The following ZDHHC23 variants were observed in gnomAD, a reference collection of about 807,000 sequenced individuals.
ZDHHC23 encodes the protein zDHHC palmitoyltransferase 23, also known as palmitoyltransferase ZDHHC23.
Under a neutral mutation model 40.2 loss-of-function variants are expected in ZDHHC23, and 41 were observed. The observed-to-expected ratio is 1.02, with a 90% CI of 0.79 to 1.32. The LOEUF is 1.32. Ranked by LOEUF, ZDHHC23 falls within the 40% of genes most tolerant of loss-of-function variation. ZDHHC23 has a pLI of 0.00. For missense variants in ZDHHC23, 471 were observed against 541.5 expected (o/e 0.87, Z 1.29); for synonymous variants, 204 against 210.2 (o/e 0.97, Z 0.26).
chr3:113,975,288 T>C, the ZDHHC23 span, among the ~76,000 whole-genome samples: 14 of 152,332 alleles, frequency 9.2e-5, no homozygotes, highest in Admixed American at 7.8e-4. Context: ...TCTTTCTCGA[T>C]GTTATTGCAG....
Position 113,954,068 on chromosome 3 carries a change from G to A in ZDHHC23, c.530G>A (p.Gly177Glu). ...GTTCAGCTGGCGGTTCTTACCTGCGGGTTATTTCTGATACTCTTAGCCTTG... is the reference window on the plus strand; with the variant it reads ...GTTCAGCTGGCGGTTCTTACCTGCGAGTTATTTCTGATACTCTTAGCCTTG... Reference protein sequence around the residue: ...GPVQLAVLTCGLFLILLALHR... With the variant: ...GPVQLAVLTCELFLILLALHR... The change falls in exon 3 of 5, where the codon GGG becomes GAG. Residue 177 changes from glycine (G) to glutamate (E), a missense_variant. This residue lies in a region of ZDHHC23 where 346 missense variants were observed against 399.8 expected (regional missense o/e 0.87). Coordinates refer to ENST00000638807, the MANE Select transcript of ZDHHC23 (RefSeq NM_001320466.2). 1.2e-6 allele frequency: 2 copies of A among 1,614,162 alleles called. No homozygotes were observed. The highest frequency in any genetic ancestry group is 1.7e-6 in the Non-Finnish European group (2 of 1,180,034).
chr3:113,951,730 C>T (rs1485295347), intron 2 of ZDHHC23, among the ~76,000 whole-genome samples: 1 of 152,240 alleles, frequency 6.6e-6, no homozygotes, highest in African/African-American at 2.4e-5. Flanking sequence ...ATCTCATCTA[C>T]ATCCTTGCTG....
Position 113,960,351 on chromosome 3 carries a change from G to A in ZDHHC23, c.*1721G>A, listed in dbSNP as rs1939597137. 6.2e-6 allele frequency: 7 copies of A among 1,122,282 alleles called. No homozygotes were observed. The highest frequency in any genetic ancestry group is 4.0e-4 in the Middle Eastern group (1 of 2,484). The allele number at this position is 1,122,282 out of a possible 1,614,324, so 69.5% of individuals were successfully genotyped here. A position where few individuals can be genotyped will look rare whatever the true frequency, so the allele number is the denominator to read the frequency against. On this transcript the variant is annotated 3_prime_UTR_variant, in exon 5 of 5. Coordinates refer to ENST00000638807, the MANE Select transcript of ZDHHC23 (RefSeq NM_001320466.2). The stretch of plus-strand genomic sequence containing the variant: ...GGGATGTTAGCAGACTCTGGGGTTT[G>A]TACAGTGATGCCTTCTCCCTGGCCC...
At position 113,954,072 on chromosome 3, in the gene ZDHHC23, A is replaced by G; in HGVS notation, c.534A>G (p.Leu178=). 6 of 1,614,118 alleles carry G rather than the reference A, an allele frequency of 3.7e-6. No individual in the cohort carries two copies. The highest frequency in any genetic ancestry group is 5.1e-6 in the Non-Finnish European group (6 of 1,180,024). ...PVQLAVLTCG[L]FLILLALHRA... ...AGCTGGCGGTTCTTACCTGCGGGTT[A>G]TTTCTGATACTCTTAGCCTTGCACA... Residue 178 remains leucine (L), a synonymous_variant, in exon 3 of 5, where the codon TTA becomes TTG. Coordinates refer to ENST00000638807, the MANE Select transcript of ZDHHC23 (RefSeq NM_001320466.2).
At chr3:113,978,960 C>T in the ZDHHC23 span, 20 of 1,613,926 alleles carry the variant, frequency 1.2e-5, no homozygotes, top group East Asian at 8.9e-5. Flanking sequence ...GCTGGAACCA[C>T]GTCAGCATGT....
At chr3:113,968,777 GA>G (rs1940494508), downstream of ZDHHC23, among the ~76,000 whole-genome samples, 1 of 151,632 alleles carries the variant, frequency 6.6e-6, no homozygotes, top group Admixed American at 6.6e-5. Context: ...TTTTAAATTG[GA>G]TTTTTTTTTG....
At chr3:113,968,423 A>ATATCT (rs1194293097), downstream of ZDHHC23, among the ~76,000 whole-genome samples, 1 of 151,632 alleles carries the variant, frequency 6.6e-6, no homozygotes, top group African/African-American at 2.4e-5. Context: ...GGCCACTTGT[A>ATATCT]TATCTTTTGA....
downstream of ZDHHC23, among the ~76,000 whole-genome samples, chr3:113,967,276 C>T (rs1022864851): frequency 7.2e-5 from 11 of 152,180 alleles, no homozygotes; most frequent in Admixed American, 7.2e-4. Context: ...TGGCTACACT[C>T]CTGTTCTCTG....
intron 4 of ZDHHC23, 125 bp from the exon 5 acceptor site, chr3:113,958,238 G>C (rs570540373): frequency 3.8e-6 from 3 of 791,352 alleles, no homozygotes; most frequent in Non-Finnish European, 6.2e-6. Flanking sequence ...CTTCCAGTTC[G>C]GAGGGTTGGG....
At chr3:113,953,170 G>A (rs189514364) in intron 2 of ZDHHC23, among the ~76,000 whole-genome samples, 111 of 150,338 alleles carry the variant, frequency 7.4e-4, no homozygotes, top group African/African-American at 2.3e-3. Context: ...CCACTGGAAG[G>A]CCTTCCTTAC....
intron 4 of ZDHHC23, among the ~76,000 whole-genome samples, 161 bp from the exon 5 acceptor site, chr3:113,958,202 A>C (rs1189071105): frequency 6.6e-6 from 1 of 152,194 alleles, no homozygotes; most frequent in Non-Finnish European, 1.5e-5. Flanking sequence ...TCTCCTACTT[A>C]AGCAGGTTAT....
At chr3:113,965,120 C>T (rs553590803), downstream of ZDHHC23, 11 of 1,409,348 alleles carry the variant, frequency 7.8e-6, no homozygotes, top group Admixed American at 6.2e-5. Flanking sequence ...ACAGACTAGT[C>T]GAGCTTCCTG....
downstream of ZDHHC23, chr3:113,965,092 G>A (rs991443216): frequency 3.3e-5 from 30 of 916,208 alleles, no homozygotes; most frequent in African/African-American, 4.4e-4. Context: ...TGTGTGGGTG[G>A]GTGGAGATAA....
intron 2 of ZDHHC23, among the ~76,000 whole-genome samples, chr3:113,950,147 C>G (rs1938525345): frequency 6.6e-6 from 1 of 152,178 alleles, no homozygotes; most frequent in Non-Finnish European, 1.5e-5. Context: ...TTCCACCGTG[C>G]CTGCTGCTCT....
Position 113,959,290 on chromosome 3 carries a change from A to G in ZDHHC23, c.*660A>G. 1 of 1,094,858 alleles carries G rather than the reference A, an allele frequency of 9.1e-7. No individual in the cohort carries two copies. Among genetic ancestry groups the G allele is most frequent in the South Asian group, 2.5e-5 (1 of 40,566 alleles). The allele number at this position is 1,094,858 out of a possible 1,614,324, so 67.8% of individuals were successfully genotyped here. On this transcript the variant is annotated 3_prime_UTR_variant, in exon 5 of 5. Transcript: ENST00000638807. ...TATGAGAATTTCTCCTTCTTATTAGACATGAACTACTCAAACAGAGAAGAT... is the reference window on the plus strand; with the variant it reads ...TATGAGAATTTCTCCTTCTTATTAGGCATGAACTACTCAAACAGAGAAGAT...
chr3:113,971,050 G>C, the ZDHHC23 span, among the ~76,000 whole-genome samples: 1 of 152,186 alleles, frequency 6.6e-6, no homozygotes, highest in Admixed American at 6.5e-5. Flanking sequence ...CTTTATAGCA[G>C]CATGATTTAT....
At chr3:113,952,993 A>T (rs549237181) in intron 2 of ZDHHC23, among the ~76,000 whole-genome samples, 1 of 152,204 alleles carries the variant, frequency 6.6e-6, no homozygotes, top group Non-Finnish European at 1.5e-5. Flanking sequence ...TTTAGAACAT[A>T]GCATAGCCTA....
At chr3:113,978,705 T>C in the ZDHHC23 span, 11 of 821,650 alleles carry the variant, frequency 1.3e-5, no homozygotes, top group Non-Finnish European at 1.9e-5. Flanking sequence ...TGATTTACCA[T>C]TTTCACATTT....
Position 113,960,805 on chromosome 3 carries a change from C to T in ZDHHC23, c.*2175C>T. ...ATTCAGGTTTATTGGCACGAAGATA[C>T]TTGTTTTAAGTTCCTTGAGAACCCA... On this transcript the variant is annotated 3_prime_UTR_variant, in exon 5 of 5. Transcript: ENST00000638807. The T allele has an allele frequency of 6.7e-7, 1 of 1,496,128 alleles. No homozygotes were observed. Among genetic ancestry groups the T allele is most frequent in the Non-Finnish European group, 8.8e-7 (1 of 1,130,476 alleles). The allele number at this position is 1,496,128 out of a possible 1,614,324, so 92.7% of individuals were successfully genotyped here.
Sources: allele counts gnomAD v4.1 joint callset (sites outside exome capture counted in the v4.1 genomes callset), GRCh38; gene constraint gnomAD v4.1.1; regional missense constraint gnomAD v4.1.1; transcripts MANE v1.5; gene names NCBI Gene and HGNC (gene_info 2026-07-23, HGNC 2026-07-21).